The following AGAP1 variants were observed in gnomAD, a reference collection of about 807,000 sequenced individuals.
The protein encoded by AGAP1 is arf-GAP with GTPase, ANK repeat and PH domain-containing protein 1.
AGAP1 carries 29 observed loss-of-function variants against 105.3 expected under a neutral mutation model. That is an observed-to-expected ratio of 0.28 (90% CI 0.21 to 0.38). The LOEUF is 0.38. AGAP1 is among the 10% of genes least tolerant of loss of function. The pLI is 1.00. For missense variants in AGAP1, 998 were observed against 1,165.1 expected (o/e 0.86, Z 2.09); for synonymous variants, 509 against 485.9 (o/e 1.05, Z -0.63).
chr2:235,925,169 T>A (rs1432796903), intron 11 of AGAP1, among the ~76,000 whole-genome samples: 1 of 152,160 alleles, frequency 6.6e-6, no homozygotes, highest in African/African-American at 2.4e-5. Flanking sequence ...CCCTTGTATT[T>A]GCGCGTGACT....
At chr2:235,680,396 C>T (rs1240282628) in intron 1 of AGAP1, among the ~76,000 whole-genome samples, 2 of 151,974 alleles carry the variant, frequency 1.3e-5, no homozygotes, top group Non-Finnish European at 2.9e-5. Flanking sequence ...GGTCAGGGGC[C>T]CTGCAGCCCC....
rs147099557 is a variant in AGAP1 at position 235,785,297 on chromosome 2, T to G, written c.674-12462T>G. On this transcript the variant is annotated intron_variant, in intron 6 of 17. Coordinates refer to ENST00000304032, the MANE Select transcript of AGAP1 (RefSeq NM_001037131.3). Reference sequence around the variant, plus strand: ...GGAAAGATTACAGAAGTTTCTAAACTCCTTCTTCTGTTGGTGTTCATATCT... The same window carrying G: ...GGAAAGATTACAGAAGTTTCTAAACGCCTTCTTCTGTTGGTGTTCATATCT... Among the ~76,000 whole-genome samples, 556 of 152,268 alleles carry G rather than the reference T, an allele frequency of 3.7e-3. 2 individuals carry two copies. The highest frequency in any genetic ancestry group is 6.0e-3 in the Non-Finnish European group (408 of 68,036).
At chr2:235,870,703 A>G (rs1442859202) in intron 9 of AGAP1, among the ~76,000 whole-genome samples, 1 of 152,058 alleles carries the variant, frequency 6.6e-6, no homozygotes, top group Non-Finnish European at 1.5e-5. Context: ...AAATCCAGCC[A>G]GCACATGATG....
intron 1 of AGAP1, among the ~76,000 whole-genome samples, chr2:235,532,297 A>G (rs1026355327): frequency 6.6e-6 from 1 of 152,010 alleles, no homozygotes; most frequent in Non-Finnish European, 1.5e-5. Flanking sequence ...GCTCACTGCA[A>G]CCTCTGCCTG....
chr2:235,752,874 A>G lies in AGAP1; in HGVS notation c.673+2386A>G, dbSNP rs1953568572. ...CTAACAAGACCCAGTGGCTTATACAACAGACTTTTACTTGTCCTACTTACG... is the reference window on the plus strand; with the variant it reads ...CTAACAAGACCCAGTGGCTTATACAGCAGACTTTTACTTGTCCTACTTACG... On this transcript the variant is annotated intron_variant, in intron 6 of 17. Transcript: ENST00000304032. This position sits in a 1 kb window ranked among gnomAD's most constrained non-coding sequence, Gnocchi z 4.3. Among the ~76,000 whole-genome samples the G allele has an allele frequency of 6.6e-6, 1 of 152,186 alleles. No individual in the cohort carries two copies. The highest frequency in any genetic ancestry group is 2.4e-5 in the African/African-American group (1 of 41,446).
Position 235,744,853 on chromosome 2 carries a change from GTGTGCAGAT to G in AGAP1, c.538+18_538+26del. The stretch of plus-strand genomic sequence containing the variant: ...TGGGAACCCAGGGTGAGTGATGTTC[GTGTGCAGAT>G]TGTTTTGAAAGGGTTCTAACAGTTA... On this transcript the variant is annotated intron_variant, in intron 5 of 17. Coordinates refer to ENST00000304032, the MANE Select transcript of AGAP1 (RefSeq NM_001037131.3). This position sits in a 1 kb window ranked among gnomAD's most constrained non-coding sequence, Gnocchi z 5.2. 6.2e-7 allele frequency: 1 copy of G among 1,613,814 alleles called. No individual in the cohort carries two copies.
At chr2:235,853,752 T>C (rs1212831266) in intron 9 of AGAP1, among the ~76,000 whole-genome samples, 1 of 150,358 alleles carries the variant, frequency 6.7e-6, no homozygotes, top group Non-Finnish European at 1.5e-5. Flanking sequence ...GTAGAACAAA[T>C]GAGGTCATTT....
At position 235,910,935 on chromosome 2, in the gene AGAP1, A is replaced by G. The variant is rs542994883; in HGVS notation, c.1324+2029A>G. Among the ~76,000 whole-genome samples the G allele has an allele frequency of 2.6e-5, 4 of 152,152 alleles. No homozygotes were observed. The South Asian group carries it at 6.2e-4, about 24-fold the overall frequency. On this transcript the variant is annotated intron_variant, in intron 11 of 17. Coordinates refer to ENST00000304032, the MANE Select transcript of AGAP1 (RefSeq NM_001037131.3). ...GTCTCAAAAAAAAAAAAATCTATCA[A>G]GCACCTATTTTGTGCCAGAAGTTGT...
At chr2:236,065,970 A>G (rs1178367928) in intron 16 of AGAP1, among the ~76,000 whole-genome samples, 5 of 152,192 alleles carry the variant, frequency 3.3e-5, no homozygotes, top group Non-Finnish European at 7.3e-5. Flanking sequence ...CCAGGGTGGC[A>G]CTGTGGTCGG....
At position 235,724,824 on chromosome 2, in the gene AGAP1, T is replaced by G. The variant is rs1217755778; in HGVS notation, c.310+7180T>G. ...AGTCATAGGAAATTCTCAAACATACTTTTGCTTTGTGCCTGGGAAGCAGGA... is the reference window on the plus strand; with the variant it reads ...AGTCATAGGAAATTCTCAAACATACGTTTGCTTTGTGCCTGGGAAGCAGGA... On this transcript the variant is annotated intron_variant, in intron 3 of 17. Coordinates refer to ENST00000304032, the MANE Select transcript of AGAP1 (RefSeq NM_001037131.3). The surrounding 1 kb of genome is among the most constrained non-coding windows in gnomAD (Gnocchi z 4.9). Among the ~76,000 whole-genome samples, 1 of 152,138 alleles carries G rather than the reference T, an allele frequency of 6.6e-6. No individual in the cohort carries two copies. The highest frequency in any genetic ancestry group is 1.5e-5 in the Non-Finnish European group (1 of 68,038).
At chr2:236,057,529 C>T (rs149778155) in intron 16 of AGAP1, among the ~76,000 whole-genome samples, 3 of 152,314 alleles carry the variant, frequency 2.0e-5, no homozygotes, top group East Asian at 3.9e-4. Flanking sequence ...TTGAGATCCA[C>T]CCACACAAGT....
At chr2:235,590,207 T>G (rs773782537) in intron 1 of AGAP1, among the ~76,000 whole-genome samples, 8 of 152,186 alleles carry the variant, frequency 5.3e-5, no homozygotes, top group Non-Finnish European at 1.2e-4. Flanking sequence ...TGTTACTGTC[T>G]CCCTGAGTTT....
intron 1 of AGAP1, among the ~76,000 whole-genome samples, chr2:235,539,155 A>G (rs1313882121): frequency 6.6e-6 from 1 of 152,212 alleles, no homozygotes; most frequent in Non-Finnish European, 1.5e-5. Flanking sequence ...CCTCGCAGAG[A>G]TTGCTCTGCA....
In AGAP1 at chr2:235,549,038, A is replaced by G. The variant is rs1184062515; in HGVS notation, c.163+54189A>G. ...TCCGAGCCTGGGTGGAAAGCACTGC[A>G]GGGCAGCTTGTGCAGAAACTGGGAC... On this transcript the variant is annotated intron_variant, in intron 1 of 17. Coordinates refer to ENST00000304032, the MANE Select transcript of AGAP1 (RefSeq NM_001037131.3). This position sits in a 1 kb window ranked among gnomAD's most constrained non-coding sequence, Gnocchi z 4.2. 6.6e-6 allele frequency among the ~76,000 whole-genome samples: 1 copy of G among 152,226 alleles called. No homozygotes were observed. The highest frequency in any genetic ancestry group is 1.5e-5 in the Non-Finnish European group (1 of 68,032).
chr2:235,833,454 G>A (rs1474508466), intron 9 of AGAP1, among the ~76,000 whole-genome samples: 2 of 152,122 alleles, frequency 1.3e-5, no homozygotes, highest in South Asian at 4.1e-4. Flanking sequence ...TTGCACCCCT[G>A]TTCAAGTTCA....
At chr2:235,768,907 A>G (rs1306705502) in intron 6 of AGAP1, among the ~76,000 whole-genome samples, 2 of 152,230 alleles carry the variant, frequency 1.3e-5, no homozygotes, top group East Asian at 1.9e-4. Context: ...CTTACAGAAG[A>G]AGAAACACCT....
At chr2:235,775,966 G>T (rs927872306) in intron 6 of AGAP1, among the ~76,000 whole-genome samples, 1 of 152,132 alleles carries the variant, frequency 6.6e-6, no homozygotes, top group Non-Finnish European at 1.5e-5. Context: ...ATGTGCAACC[G>T]CCAGCTTCTG....
At position 235,659,873 on chromosome 2, in the gene AGAP1, C is replaced by T. The variant is rs1450999474; in HGVS notation, c.164-49306C>T. Among the ~76,000 whole-genome samples, 3 of 152,174 alleles carry T rather than the reference C, an allele frequency of 2.0e-5. No homozygotes were observed. The highest frequency in any genetic ancestry group is 4.4e-5 in the Non-Finnish European group (3 of 68,030). On this transcript the variant is annotated intron_variant, in intron 1 of 17. Transcript: ENST00000304032. The surrounding 1 kb of genome is among the most constrained non-coding windows in gnomAD (Gnocchi z 5.0). ...TCTGGTCCTGGGAGGGTCAGGGACT[C>T]GTGAATCAACATCTGGCTCTTTGTG...
rs1280534108 is a variant in AGAP1, at chr2:236,000,398, ACTTTCTG to A, written c.1645+31776_1645+31782del. 2.6e-5 allele frequency among the ~76,000 whole-genome samples: 4 copies of A among 152,212 alleles called. No individual in the cohort carries two copies. Among genetic ancestry groups the A allele is most frequent in the Non-Finnish European group, 5.9e-5 (4 of 68,040 alleles). Reference sequence around the variant, plus strand: ...CAAGAACCTGTCAATGGCATTGAGGACTTTCTGTACAAAAATCACTACGCGTGACAGC... The same window carrying A: ...CAAGAACCTGTCAATGGCATTGAGGATACAAAAATCACTACGCGTGACAGC... On this transcript the variant is annotated intron_variant, in intron 13 of 17. Transcript: ENST00000304032. The surrounding 1 kb of genome is among the most constrained non-coding windows in gnomAD (Gnocchi z 4.3).
Sources: allele counts gnomAD v4.1 joint callset (sites outside exome capture counted in the v4.1 genomes callset), GRCh38; gene constraint gnomAD v4.1.1; non-coding constraint Gnocchi (gnomAD v3.1); transcripts MANE v1.5; gene names NCBI Gene and HGNC (gene_info 2026-07-23, HGNC 2026-07-21).